The following NAP1L4 variants were observed in gnomAD, a reference collection of about 807,000 sequenced individuals.
NAP1L4 encodes nucleosome assembly protein 1-like 4.
A neutral mutation model predicts 58.2 loss-of-function variants in NAP1L4; 15 were observed. The observed-to-expected ratio is 0.26, with a 90% CI of 0.17 to 0.40. The LOEUF is 0.40. NAP1L4 is among the 10% of genes least tolerant of loss of function. The pLI, the probability that NAP1L4 is intolerant of heterozygous loss-of-function variation, is 1.00. For synonymous variants in NAP1L4, 171 were observed against 155.6 expected (o/e 1.10, Z -0.74); for missense variants, 384 against 451.1 (o/e 0.85, Z 1.35).
chr11:2,977,980 A>G lies in NAP1L4; in HGVS notation c.73+304T>C, dbSNP rs149259188. The stretch of plus-strand genomic sequence containing the variant: ...CCAGGAGTCCAAGACCAGCCTGGGT[A>G]ACACAGCAAGGCTCCATCTCAAAAA... On this transcript the variant is annotated intron_variant, in intron 3 of 15. Coordinates refer to ENST00000380542, the MANE Select transcript of NAP1L4 (RefSeq NM_005969.4). Among the ~76,000 whole-genome samples, 135 of 152,218 alleles carry G rather than the reference A, an allele frequency of 8.9e-4. 1 individual carries two copies. The highest frequency in any genetic ancestry group is 2.9e-3 in the African/African-American group (122 of 41,518).
Position 2,958,229 on chromosome 11 carries a change from A to G in NAP1L4, c.892+170T>C, listed in dbSNP as rs536037973. On this transcript the variant is annotated intron_variant, in intron 10 of 15. Transcript: ENST00000380542. The stretch of plus-strand genomic sequence containing the variant: ...GTCCTAGCTACCTCTGCCCCCCGCG[A>G]TAAACTTGCCAGCGCACCAACAGAA... 1.6e-5 allele frequency: 12 copies of G among 732,494 alleles called. No individual in the cohort carries two copies. The East Asian group carries it at 3.2e-4, about 20-fold the overall frequency. 45.4% of individuals were successfully genotyped at this position (732,494 alleles called of 1,614,324 possible). A position where few individuals can be genotyped will look rare whatever the true frequency, so the allele number is the denominator to read the frequency against.
chr11:2,969,309 G>C (rs1847491803), intron 7 of NAP1L4, among the ~76,000 whole-genome samples: 1 of 151,842 alleles, frequency 6.6e-6, no homozygotes, highest in South Asian at 2.1e-4. Context: ...ACTTTTTCAA[G>C]AGAAATGATC....
At chr11:2,990,949 C>G in intron 1 of NAP1L4, 1 of 360,864 alleles carries the variant, frequency 2.8e-6, no homozygotes, top group South Asian at 2.0e-5. Flanking sequence ...TTGTATATTT[C>G]TAAGGTAAGA....
Position 2,959,365 on chromosome 11 carries a change from T to A in NAP1L4, c.746+405A>T, listed in dbSNP as rs1846726813. 6.6e-6 allele frequency among the ~76,000 whole-genome samples: 1 copy of A among 152,232 alleles called. No individual in the cohort carries two copies. The highest frequency in any genetic ancestry group is 1.5e-5 in the Non-Finnish European group (1 of 68,044). On this transcript the variant is annotated intron_variant, in intron 9 of 15. Coordinates refer to ENST00000380542, the MANE Select transcript of NAP1L4 (RefSeq NM_005969.4). This position sits in a 1 kb window ranked among gnomAD's most constrained non-coding sequence, Gnocchi z 4.9. Reference sequence around the variant, plus strand: ...AAACAACAGCTATGCTGCCCCCACCTATTTCCAAAGCAATCAGCTGATCAA... The same window carrying A: ...AAACAACAGCTATGCTGCCCCCACCAATTTCCAAAGCAATCAGCTGATCAA...
At position 2,978,330 on chromosome 11, in the gene NAP1L4, C is replaced by T. The variant is rs368828396; in HGVS notation, c.27G>A (p.Gly9=). 1.2e-6 allele frequency: 2 copies of T among 1,613,684 alleles called. No homozygotes were observed. The highest frequency in any genetic ancestry group is 2.7e-5 in the African/African-American group (2 of 74,844). The change falls in exon 3 of 16, where the codon GGG becomes GGA. Residue 9 remains glycine, a synonymous_variant. Transcript: ENST00000380542. MADHSFSD[G]VPSDSVEAAK... is the part of the protein sequence containing the mutation. The stretch of plus-strand genomic sequence containing the variant: ...CAGCTTCCACGGAATCTGAAGGAAC[C>T]CCATCTGAAAAACTAAAACAACAGT...
Position 2,951,970 on chromosome 11 carries a change from G to A in NAP1L4, c.1036-161C>T. 2 of 691,774 alleles carry A rather than the reference G, an allele frequency of 2.9e-6. No homozygotes were observed. Among genetic ancestry groups the A allele is most frequent in the Non-Finnish European group, 5.2e-6 (2 of 382,352 alleles). The allele number at this position is 691,774 out of a possible 1,614,324, so 42.9% of individuals were successfully genotyped here. A position where few individuals can be genotyped will look rare whatever the true frequency, so the allele number is the denominator to read the frequency against. On this transcript the variant is annotated intron_variant, in intron 12 of 15. Transcript: ENST00000380542. This position sits in a 1 kb window ranked among gnomAD's most constrained non-coding sequence, Gnocchi z 4.0. ...CGCTTGCCTGAGGAGCCATTTGCTT[G>A]TGTGCAGCGCATTTTAAAAGCATGC...
chr11:2,970,839 T>A (rs1044853023), intron 6 of NAP1L4, among the ~76,000 whole-genome samples: 1 of 102,492 alleles, frequency 9.8e-6, no homozygotes, highest in Non-Finnish European at 1.8e-5. Context: ...ACCAAAATCA[T>A]CATATACCAC....
chr11:2,975,640 G>T (rs898218290), intron 4 of NAP1L4, among the ~76,000 whole-genome samples: 3 of 151,788 alleles, frequency 2.0e-5, no homozygotes, highest in African/African-American at 7.3e-5. Flanking sequence ...GCGGCACTAT[G>T]CCCAGTTTTT....
rs371398039 is a variant in NAP1L4, at chr11:2,945,543, A to T, written c.*136T>A. ...TCCACGGGATTGTGCTGCGGCAAGG[A>T]CCGAGGCCCCGCCCACAGGCCTGGA... is the stretch of plus-strand genomic sequence containing the variant. On this transcript the variant is annotated 3_prime_UTR_variant, in exon 16 of 16. Transcript: ENST00000380542. 1 of 1,414,392 alleles carries T rather than the reference A, an allele frequency of 7.1e-7. No homozygotes were observed. Among genetic ancestry groups the T allele is most frequent in the African/African-American group, 1.4e-5 (1 of 70,332 alleles). The allele number at this position is 1,414,392 out of a possible 1,614,324, so 87.6% of individuals were successfully genotyped here. A position where few individuals can be genotyped will look rare whatever the true frequency, so the allele number is the denominator to read the frequency against.
At chr11:2,987,750 C>G (rs1043065525) in intron 1 of NAP1L4, among the ~76,000 whole-genome samples, 4 of 111,546 alleles carry the variant, frequency 3.6e-5, no homozygotes, top group African/African-American at 7.0e-5. Flanking sequence ...GAGCGAGACT[C>G]CACCTCAAAA....
At chr11:2,958,128 A>G in intron 10 of NAP1L4, 2 of 630,930 alleles carry the variant, frequency 3.2e-6, no homozygotes, top group Non-Finnish European at 5.9e-6. Flanking sequence ...CAGAACTGCA[A>G]GTTTTTGCCT....
Position 2,949,182 on chromosome 11 carries a change from A to T in NAP1L4, c.*32+45T>A. On this transcript the variant is annotated intron_variant, in intron 15 of 15. Coordinates refer to ENST00000380542, the MANE Select transcript of NAP1L4 (RefSeq NM_005969.4). This position sits in a 1 kb window ranked among gnomAD's most constrained non-coding sequence, Gnocchi z 4.0. ...CAAAACAATGCATTGTATAAAGTAT[A>T]GATCAGAAGTTTGGAAGTTAGGTAT... 2 of 1,448,534 alleles carry T rather than the reference A, an allele frequency of 1.4e-6. No homozygotes were observed. Among genetic ancestry groups the T allele is most frequent in the Non-Finnish European group, 1.9e-6 (2 of 1,032,912 alleles). 89.7% of individuals were successfully genotyped at this position (1,448,534 alleles called of 1,614,324 possible). A position where few individuals can be genotyped will look rare whatever the true frequency, so the allele number is the denominator to read the frequency against.
Position 2,945,340 on chromosome 11 carries a change from A to G in NAP1L4, c.*339T>C, listed in dbSNP as rs1314515893. ...GTCTACAGGGCCCTCCCACAGGGAA[A>G]GGCCCAGGGAAGTCCAGAGCTACAG... On this transcript the variant is annotated 3_prime_UTR_variant, in exon 16 of 16. Coordinates refer to ENST00000380542, the MANE Select transcript of NAP1L4 (RefSeq NM_005969.4). The G allele has an allele frequency of 2.7e-5, 11 of 403,698 alleles. No individual in the cohort carries two copies. The highest frequency in any genetic ancestry group is 4.4e-5 in the Non-Finnish European group (10 of 225,058). 25.0% of individuals were successfully genotyped at this position (403,698 alleles called of 1,614,324 possible). A position where few individuals can be genotyped will look rare whatever the true frequency, so the allele number is the denominator to read the frequency against.
intron 12 of NAP1L4, chr11:2,952,149 G>A (rs563232033): frequency 8.3e-6 from 3 of 360,718 alleles, no homozygotes; most frequent in South Asian, 4.6e-5. Flanking sequence ...TTTGTAAACC[G>A]ATGAATTTGT....
At position 2,962,524 on chromosome 11, in the gene NAP1L4, G is replaced by A. The variant is rs558446293; in HGVS notation, c.606+2156C>T. Among the ~76,000 whole-genome samples the A allele has an allele frequency of 3.3e-4, 51 of 152,288 alleles. 1 individual carries two copies. The highest frequency in any genetic ancestry group is 6.3e-4 in the Non-Finnish European group (43 of 68,032). ...CTTTATAACTTAAAATGCATTAGACGCTTCATAATAATTTTACAAAGGAAA... is the reference window on the plus strand; with the variant it reads ...CTTTATAACTTAAAATGCATTAGACACTTCATAATAATTTTACAAAGGAAA... On this transcript the variant is annotated intron_variant, in intron 8 of 15. Coordinates refer to ENST00000380542, the MANE Select transcript of NAP1L4 (RefSeq NM_005969.4).
At chr11:2,986,687 C>A (rs529783499) in intron 1 of NAP1L4, among the ~76,000 whole-genome samples, 1 of 147,256 alleles carries the variant, frequency 6.8e-6, no homozygotes, top group Admixed American at 6.8e-5. Flanking sequence ...CGTGCAGTGG[C>A]GCGATCTCGG....
chr11:2,990,948 T>A (rs561122132), intron 1 of NAP1L4: 1 of 362,420 alleles, frequency 2.8e-6, no homozygotes, highest in African/African-American at 2.1e-5. Context: ...TTTGTATATT[T>A]CTAAGGTAAG....
intron 7 of NAP1L4, among the ~76,000 whole-genome samples, chr11:2,967,001 G>A (rs1356923878): frequency 1.3e-5 from 2 of 152,174 alleles, no homozygotes; most frequent in Non-Finnish European, 2.9e-5. Flanking sequence ...CACTCAGATC[G>A]TAAAGCCACC....
At chr11:2,991,034 T>C in intron 1 of NAP1L4, 1 of 452,118 alleles carries the variant, frequency 2.2e-6, no homozygotes, top group Non-Finnish European at 4.5e-6. Context: ...CAGGAAAAAG[T>C]AATGCAGACT....
Sources: gnomAD v4.1 joint callset for allele counts (sites outside exome capture counted in the v4.1 genomes callset) on GRCh38, gnomAD v4.1.1 for gene constraint, Gnocchi (gnomAD v3.1) non-coding constraint, MANE v1.5 for transcripts, NCBI Gene and HGNC (gene_info 2026-07-23, HGNC 2026-07-21) for gene names.